DNER: variants seen among roughly 807,000 people sequenced by gnomAD.
DNER encodes delta/notch like EGF repeat containing, also known as delta and Notch-like epidermal growth factor-related receptor.
A neutral mutation model predicts 78.2 loss-of-function variants in DNER; 33 were observed. The ratio of observed to expected loss-of-function variants is 0.42; its 90% confidence interval spans 0.32 to 0.56. The LOEUF (loss-of-function observed/expected upper bound fraction) is 0.56. Among genes scored for constraint, DNER ranks in the 20% least tolerant of loss-of-function variants. DNER has a pLI of 0.11. For synonymous variants in DNER, 417 were observed against 384.8 expected (o/e 1.08, Z -0.98); for missense variants, 918 against 975.3 (o/e 0.94, Z 0.78).
intron 4 of DNER, among the ~76,000 whole-genome samples, chr2:229,578,208 T>C (rs1322663099): frequency 1.3e-5 from 2 of 152,172 alleles, no homozygotes; most frequent in Non-Finnish European, 2.9e-5. Flanking sequence ...TCTTCTGGCA[T>C]GTCCTGGTCG....
intron 11 of DNER, among the ~76,000 whole-genome samples, chr2:229,374,761 A>C (rs1374926732): frequency 1.3e-5 from 2 of 152,178 alleles, no homozygotes; most frequent in Non-Finnish European, 1.5e-5. Flanking sequence ...GATTGTAGAA[A>C]TCAATGTAAT....
At chr2:229,698,575 A>G (rs1242148009) in intron 1 of DNER, among the ~76,000 whole-genome samples, 5 of 152,232 alleles carry the variant, frequency 3.3e-5, no homozygotes, top group East Asian at 3.9e-4. Flanking sequence ...AGGTGTCAGC[A>G]TCGGTTTTTG....
At chr2:229,528,439 C>T (rs1290424916) in intron 5 of DNER, among the ~76,000 whole-genome samples, 1 of 152,172 alleles carries the variant, frequency 6.6e-6, no homozygotes, top group Non-Finnish European at 1.5e-5. Flanking sequence ...ATTTGTGCAG[C>T]CTAAGTCCTT....
chr2:229,620,250 A>G (rs1698231303), intron 1 of DNER, among the ~76,000 whole-genome samples: 1 of 152,262 alleles, frequency 6.6e-6, no homozygotes, highest in African/African-American at 2.4e-5. Flanking sequence ...TGGAAAGGAA[A>G]TAAATTCAGA....
chr2:229,578,821 G>A (rs1183527564), intron 4 of DNER, among the ~76,000 whole-genome samples: 1 of 152,186 alleles, frequency 6.6e-6, no homozygotes, highest in Non-Finnish European at 1.5e-5. Context: ...TCAAGAATAA[G>A]AAAATAGAGC....
chr2:229,394,873 A>G (rs1293795957), intron 10 of DNER, among the ~76,000 whole-genome samples: 1 of 152,174 alleles, frequency 6.6e-6, no homozygotes, highest in African/African-American at 2.4e-5. Flanking sequence ...TCTCTCCGTA[A>G]AACTTCTCAG....
At chr2:229,499,212 G>A (rs1047922184) in intron 6 of DNER, among the ~76,000 whole-genome samples, 7 of 152,066 alleles carry the variant, frequency 4.6e-5, no homozygotes, top group Non-Finnish European at 7.4e-5. Flanking sequence ...TTGGGAGGCC[G>A]AGGCGGGCAG....
intron 1 of DNER, among the ~76,000 whole-genome samples, chr2:229,710,839 A>G (rs1477301182): frequency 2.0e-5 from 3 of 152,268 alleles, no homozygotes; most frequent in African/African-American, 4.8e-5. Flanking sequence ...AAAGAAAGAA[A>G]TGTCACAGGT....
At chr2:229,644,294 T>C (rs1307763042) in intron 1 of DNER, among the ~76,000 whole-genome samples, 1 of 150,816 alleles carries the variant, frequency 6.6e-6, no homozygotes, top group Non-Finnish European at 1.5e-5. Context: ...TTTGCTTAAA[T>C]ACCCTCCATC....
chr2:229,401,236 A>T (rs1435628362), intron 10 of DNER, among the ~76,000 whole-genome samples: 2 of 152,096 alleles, frequency 1.3e-5, no homozygotes, highest in Admixed American at 1.3e-4. Flanking sequence ...GGGGAATATA[A>T]AATGCATAAG....
chr2:229,429,324 C>G (rs73100292), intron 8 of DNER, among the ~76,000 whole-genome samples: 4,511 of 152,294 alleles, frequency 0.03, 222 homozygotes, highest in African/African-American at 0.1. Flanking sequence ...ATCAGGCATA[C>G]AGTTGCAGCT....
chr2:229,377,148 A>T (rs894988518), intron 11 of DNER, among the ~76,000 whole-genome samples: 5 of 152,168 alleles, frequency 3.3e-5, no homozygotes, highest in Non-Finnish European at 7.4e-5. Context: ...TAACCTTTAT[A>T]TTCCAGAACT....
chr2:229,544,437 C>T (rs933608925), intron 5 of DNER, among the ~76,000 whole-genome samples: 6 of 152,110 alleles, frequency 3.9e-5, no homozygotes, highest in East Asian at 3.8e-4. Context: ...ACTATGCTTT[C>T]GGGTTCCTGA....
chr2:229,619,541 C>T (rs909502004), intron 1 of DNER, among the ~76,000 whole-genome samples: 1 of 152,140 alleles, frequency 6.6e-6, no homozygotes, highest in South Asian at 2.1e-4. Flanking sequence ...CGGCAATGTC[C>T]TAGGGCTTCT....
At chr2:229,539,249 C>A (rs1696467994) in intron 5 of DNER, among the ~76,000 whole-genome samples, 1 of 152,104 alleles carries the variant, frequency 6.6e-6, no homozygotes, top group Admixed American at 6.6e-5. Context: ...GGAATGAGTT[C>A]TCAGGGAAGT....
At chr2:229,639,128 T>C (rs940342851) in intron 1 of DNER, among the ~76,000 whole-genome samples, 5 of 152,196 alleles carry the variant, frequency 3.3e-5, no homozygotes, top group African/African-American at 7.2e-5. Flanking sequence ...GACCATACCA[T>C]GTGGACTCAA....
intron 1 of DNER, among the ~76,000 whole-genome samples, chr2:229,666,790 A>G (rs754941329): frequency 9.9e-5 from 15 of 152,198 alleles, no homozygotes; most frequent in Non-Finnish European, 2.2e-4. Context: ...GGAGCCAGAA[A>G]GACAGAGTTC....
chr2:229,445,582 G>C (rs1694323713), intron 8 of DNER, among the ~76,000 whole-genome samples: 1 of 152,214 alleles, frequency 6.6e-6, no homozygotes, highest in African/African-American at 2.4e-5. Flanking sequence ...TCTCCAGAAT[G>C]TGCGTGGGCT....
At chr2:229,656,922 T>A (rs962356482) in intron 1 of DNER, among the ~76,000 whole-genome samples, 4 of 152,016 alleles carry the variant, frequency 2.6e-5, no homozygotes, top group African/African-American at 9.7e-5. Context: ...TTAATACACA[T>A]ATATATTGTA....
Sources: allele counts gnomAD v4.1 joint callset (sites outside exome capture counted in the v4.1 genomes callset), GRCh38; gene constraint gnomAD v4.1.1; transcripts MANE v1.5; gene names NCBI Gene and HGNC (gene_info 2026-07-23, HGNC 2026-07-21).